Variants in CHM observed in about 807,000 individuals in gnomAD.
The protein encoded by CHM is rab proteins geranylgeranyltransferase component A 1.
CHM carries 10 observed loss-of-function variants against 49.0 expected under a neutral mutation model. The ratio of observed to expected loss-of-function variants is 0.20; its 90% CI spans 0.13 to 0.35. CHM has a LOEUF of 0.35. Among genes scored for constraint, CHM ranks in the 10% least tolerant of loss-of-function variants. The pLI is 1.00. For synonymous variants in CHM, 184 were observed against 167.5 expected, an observed-to-expected ratio of 1.10 and a Z score of -0.76; for missense variants, 455 against 478.4, an observed-to-expected ratio of 0.95 and a Z score of 0.46.
chrX:85,919,649 A>G (rs1306664697), intron 8 of CHM, among the ~76,000 whole-genome samples: 1 of 112,027 alleles, frequency 8.9e-6, no homozygotes, highest in African/African-American at 3.2e-5. Flanking sequence ...ATGATGGGAA[A>G]TATTATAGAA....
rs1925664917 is a variant in CHM at position 85,894,191 on chromosome X, T to C, written c.1507A>G (p.Thr503Ala). Residue 503 changes from threonine (T) to alanine (A), a missense_variant, in exon 12 of 15, where the codon ACC becomes GCC. Thr to Ala is a moderately conservative substitution (Grantham distance 58). Transcript: ENST00000357749. ...CSSTMTCMKG[T>A]YLVHLTCTSS... ...ATAACCACTCTACTATGCTTACAGG[T>C]GCCTTTCATGCATGTCATCGTTGAA... is the stretch of plus-strand genomic sequence containing the variant. 2.5e-6 allele frequency: 3 copies of C among 1,200,992 alleles called. No individual in the cohort carries two copies. Among genetic ancestry groups the C allele is most frequent in the Non-Finnish European group, 3.4e-6 (3 of 887,191 alleles).
intron 8 of CHM, among the ~76,000 whole-genome samples, chrX:85,927,710 A>G (rs1292509629): frequency 8.9e-6 from 1 of 112,133 alleles, no homozygotes. Context: ...ATTTTACTGA[A>G]AGAGAGCATA....
intron 2 of CHM, among the ~76,000 whole-genome samples, chrX:86,003,951 A>T (rs1932798887): frequency 8.9e-6 from 1 of 111,767 alleles, no homozygotes; most frequent in South Asian, 3.7e-4. Context: ...ACCCCAAGAC[A>T]TACAATTGTC....
Position 86,042,437 on chromosome X carries a change from T to C in CHM, c.49+5047A>G, listed in dbSNP as rs776461098. Among the ~76,000 whole-genome samples, 9 of 110,263 alleles carry C rather than the reference T, an allele frequency of 8.2e-5. No individual in the cohort carries two copies. The East Asian group carries it at 2.3e-3, about 28-fold the overall frequency. On this transcript the variant is annotated intron_variant, in intron 1 of 14. Transcript: ENST00000357749. Reference sequence around the variant, plus strand: ...TTCTAGGGAGGCCTGAGGGAGCTTTTAGTCATAGCAGAAGGCAAAGGGGAA... The same window carrying C: ...TTCTAGGGAGGCCTGAGGGAGCTTTCAGTCATAGCAGAAGGCAAAGGGGAA...
At chrX:85,915,069 G>A (rs767090974) in intron 8 of CHM, among the ~76,000 whole-genome samples, 5 of 110,203 alleles carry the variant, frequency 4.5e-5, no homozygotes, top group South Asian at 3.9e-4. Context: ...AAAAAAACCC[G>A]GCAACTTCAG....
At chrX:85,973,752 G>A (rs1356798991) in intron 4 of CHM, among the ~76,000 whole-genome samples, 1 of 111,962 alleles carries the variant, frequency 8.9e-6, no homozygotes, top group Non-Finnish European at 1.9e-5. Context: ...ATGTCCTCAG[G>A]AAGTGATGAG....
Position 85,956,306 on chromosome X carries a change from A to G in CHM, c.1013T>C (p.Met338Thr). ...CTCTGATGTCATTGCAATTGAATGC[A>G]TGACAATATATTGGAGGTTGGGGGT... The part of the protein sequence containing the change: ...KLTPNLQYIV[M>T]HSIAMTSETA... The change falls in exon 8 of 15, where the codon ATG (methionine) becomes ACG (threonine). Residue 338 changes from methionine to threonine, a missense_variant. Met to Thr is a moderately conservative substitution (Grantham distance 81). Coordinates refer to ENST00000357749, the MANE Select transcript of CHM (RefSeq NM_000390.4). 8.3e-7 allele frequency: 1 copy of G among 1,211,782 alleles called. No individual in the cohort carries two copies. Among genetic ancestry groups the G allele is most frequent in the Non-Finnish European group, 1.1e-6 (1 of 895,459 alleles).
At chrX:85,887,138 A>T (rs1343321557) in intron 12 of CHM, among the ~76,000 whole-genome samples, 1 of 110,033 alleles carries the variant, frequency 9.1e-6, no homozygotes, top group Non-Finnish European at 1.9e-5. Context: ...GTACTGATAA[A>T]CTGATTAAAC....
intron 8 of CHM, among the ~76,000 whole-genome samples, chrX:85,933,275 T>TTTG (rs1255701139): frequency 1.8e-5 from 2 of 112,209 alleles, no homozygotes; most frequent in Non-Finnish European, 3.8e-5. Context: ...TATTCACAAC[T>TTTG]TAACACAGTT....
intron 14 of CHM, among the ~76,000 whole-genome samples, chrX:85,872,833 G>A (rs992846141): frequency 9.0e-6 from 1 of 111,660 alleles, no homozygotes; most frequent in African/African-American, 3.3e-5. Flanking sequence ...AAAAATCTCT[G>A]TAACTCAACA....
Position 86,041,364 on chromosome X carries a change from T to G in CHM, c.49+6120A>C, listed in dbSNP as rs922203136. Among the ~76,000 whole-genome samples, 8 of 110,943 alleles carry G rather than the reference T, an allele frequency of 7.2e-5. No individual in the cohort carries two copies. In the Admixed American group the frequency reaches 7.7e-4, roughly 11 times the overall value. ...AAACAAAAACATACTTTTCCATCAA[T>G]AAATGCCTGAAGAAGTGCAAAGCAT... On this transcript the variant is annotated intron_variant, in intron 1 of 14. Coordinates refer to ENST00000357749, the MANE Select transcript of CHM (RefSeq NM_000390.4).
intron 5 of CHM, among the ~76,000 whole-genome samples, chrX:85,962,478 T>C (rs1399993447): frequency 8.9e-6 from 1 of 112,051 alleles, no homozygotes; most frequent in Non-Finnish European, 1.9e-5. Context: ...AGGCATCAAG[T>C]TCAAAGGGAG....
At chrX:86,010,121 G>C (rs909895776) in intron 2 of CHM, among the ~76,000 whole-genome samples, 4 of 99,804 alleles carry the variant, frequency 4.0e-5, no homozygotes, top group Non-Finnish European at 8.0e-5. Flanking sequence ...TCACTCATAA[G>C]TGGGAGTTGA....
rs903972144 is a variant in CHM, at chrX:85,937,736, C to A, written c.1166+18417G>T. Among the ~76,000 whole-genome samples, 3 of 107,627 alleles carry A rather than the reference C, an allele frequency of 2.8e-5. No individual in the cohort carries two copies. In the Admixed American group the frequency reaches 3.0e-4, roughly 11 times the overall value. 93.5% of individuals were successfully genotyped at this position (107,627 alleles called of 115,157 possible). On this transcript the variant is annotated intron_variant, in intron 8 of 14. Transcript: ENST00000357749. ...GTGCACACCTGTAATCCCAGCTACTCAGGAAGCTGAGGCAGGAGAATCAGT... is the reference window on the plus strand; with the variant it reads ...GTGCACACCTGTAATCCCAGCTACTAAGGAAGCTGAGGCAGGAGAATCAGT...
intron 8 of CHM, among the ~76,000 whole-genome samples, chrX:85,913,459 A>G (rs1475904532): frequency 1.8e-5 from 2 of 109,303 alleles, no homozygotes; most frequent in Admixed American, 9.8e-5. Flanking sequence ...CCAAAGTCAA[A>G]GAAGATGATG....
At chrX:85,967,147 A>T (rs982307988) in intron 4 of CHM, among the ~76,000 whole-genome samples, 1 of 111,371 alleles carries the variant, frequency 9.0e-6, no homozygotes, top group Non-Finnish European at 1.9e-5. Context: ...GTTAATACCT[A>T]ATGAGAAAAT....
At chrX:85,900,520 A>G (rs1379962089) in intron 11 of CHM, 126 bp downstream of exon 11, 3 of 498,213 alleles carry the variant, frequency 6.0e-6, no homozygotes, top group African/African-American at 2.4e-5. Flanking sequence ...TCACCACAAA[A>G]AAAGGTAACT....
At chrX:85,983,476 C>A (rs912436537) in intron 2 of CHM, among the ~76,000 whole-genome samples, 1 of 111,065 alleles carries the variant, frequency 9.0e-6, no homozygotes, top group Non-Finnish European at 1.9e-5. Flanking sequence ...ATACTTCCAT[C>A]CCTTTTGCCT....
intron 9 of CHM, among the ~76,000 whole-genome samples, chrX:85,909,816 A>T (rs1170647975): frequency 8.9e-6 from 1 of 112,129 alleles, no homozygotes; most frequent in Non-Finnish European, 1.9e-5. Flanking sequence ...AGGGTAAAAG[A>T]ATCTAAGCAA....
Sources: gnomAD v4.1 joint callset for allele counts (sites outside exome capture counted in the v4.1 genomes callset) on GRCh38, gnomAD v4.1.1 for gene constraint, MANE v1.5 for transcripts, NCBI Gene and HGNC (gene_info 2026-07-23, HGNC 2026-07-21) for gene names.